The following ZCWPW2 variants were observed in gnomAD, a reference collection of about 807,000 sequenced individuals.
ZCWPW2 encodes zinc finger CW-type and PWWP domain containing 2, also known as zinc finger CW-type PWWP domain protein 2.
A neutral mutation model predicts 46.6 loss-of-function variants in ZCWPW2; 45 were observed. The ratio of observed to expected loss-of-function variants is 0.96; its 90% CI spans 0.76 to 1.24. The LOEUF (loss-of-function observed/expected upper bound fraction) is 1.24. ZCWPW2 is among the 50% of genes most tolerant of loss of function. The pLI is 0.00. For synonymous variants in ZCWPW2, 152 were observed against 137.1 expected (o/e 1.11, Z -0.76); for missense variants, 429 against 403.9 (o/e 1.06, Z -0.53).
chr3:28,471,174 G>T (rs1345257567), intron 4 of ZCWPW2, among the ~76,000 whole-genome samples: 1 of 152,090 alleles, frequency 6.6e-6, no homozygotes, highest in African/African-American at 2.4e-5. Context: ...TCTATGAAAC[G>T]TTTAAAGAAT....
At chr3:28,396,720 T>C (rs1341138778) in intron 2 of ZCWPW2, among the ~76,000 whole-genome samples, 2 of 152,250 alleles carry the variant, frequency 1.3e-5, no homozygotes, top group South Asian at 2.1e-4. Flanking sequence ...ATGACAACTT[T>C]GGAAGAACAA....
intron 1 of ZCWPW2, among the ~76,000 whole-genome samples, chr3:28,380,264 A>G (rs969163786): frequency 1.3e-4 from 20 of 152,102 alleles, no homozygotes; most frequent in East Asian, 9.7e-4. Flanking sequence ...GATTACAGGC[A>G]TGAGCCACCA....
At chr3:28,521,573 A>C (rs1417012298) in intron 9 of ZCWPW2, among the ~76,000 whole-genome samples, 2 of 152,204 alleles carry the variant, frequency 1.3e-5, no homozygotes, top group Admixed American at 1.3e-4. Flanking sequence ...TTTTCACTGG[A>C]ATAAGTTTTA....
chr3:28,512,031 CCT>C (rs1219944116), intron 6 of ZCWPW2, among the ~76,000 whole-genome samples: 2 of 151,992 alleles, frequency 1.3e-5, no homozygotes, highest in Non-Finnish European at 2.9e-5. Flanking sequence ...CATATGGCTA[CCT>C]TCTTGAATTT....
At chr3:28,350,207 A>G (rs1342618600) in intron 1 of ZCWPW2, among the ~76,000 whole-genome samples, 1 of 152,218 alleles carries the variant, frequency 6.6e-6, no homozygotes, top group Non-Finnish European at 1.5e-5. Context: ...TGTTTTTACA[A>G]GTAGAGTTTT....
intron 1 of ZCWPW2, among the ~76,000 whole-genome samples, chr3:28,386,623 G>A (rs371249292): frequency 2.6e-5 from 4 of 151,994 alleles, no homozygotes; most frequent in African/African-American, 9.7e-5. Context: ...AAACAATTTT[G>A]ATGGTCAAAT....
At chr3:28,384,218 T>C (rs562762819) in intron 1 of ZCWPW2, among the ~76,000 whole-genome samples, 2 of 152,340 alleles carry the variant, frequency 1.3e-5, no homozygotes, top group Admixed American at 1.3e-4. Context: ...GCTTTCATCT[T>C]TCTCTACCCA....
chr3:28,364,057 T>G (rs1376848876), intron 1 of ZCWPW2, among the ~76,000 whole-genome samples: 3 of 152,210 alleles, frequency 2.0e-5, no homozygotes. Context: ...TAGTCATCTG[T>G]TAAATGTAAG....
intron 4 of ZCWPW2, among the ~76,000 whole-genome samples, chr3:28,477,073 GA>G (rs1429114871): frequency 6.6e-6 from 1 of 152,106 alleles, no homozygotes; most frequent in Admixed American, 6.5e-5. Context: ...CCTATATACA[GA>G]ATAGTGTAGG....
At chr3:28,440,441 T>TTC (rs1697704978) in intron 4 of ZCWPW2, among the ~76,000 whole-genome samples, 1 of 152,146 alleles carries the variant, frequency 6.6e-6, no homozygotes, top group Admixed American at 6.5e-5. Context: ...CCACTTCCAT[T>TTC]TCTACCTCTT....
intron 6 of ZCWPW2, among the ~76,000 whole-genome samples, chr3:28,510,370 G>A (rs1021106198): frequency 2.0e-5 from 3 of 152,088 alleles, no homozygotes; most frequent in African/African-American, 4.8e-5. Flanking sequence ...GTGACAGTGC[G>A]ATAATTCCAA....
At chr3:28,412,947 G>C in intron 2 of ZCWPW2, 109 bp from the exon 3 acceptor site, 5 of 765,584 alleles carry the variant, frequency 6.5e-6, no homozygotes, top group Non-Finnish European at 1.0e-5. Flanking sequence ...TAGAGAGGGG[G>C]TGGGCATAGA....
At chr3:28,402,834 G>T (rs1251982669) in intron 2 of ZCWPW2, among the ~76,000 whole-genome samples, 1 of 152,140 alleles carries the variant, frequency 6.6e-6, no homozygotes, top group Non-Finnish European at 1.5e-5. Context: ...AGAAGCATTT[G>T]ACAAAATCCA....
chr3:28,369,124 G>C (rs972807358), intron 1 of ZCWPW2, among the ~76,000 whole-genome samples: 1 of 152,090 alleles, frequency 6.6e-6, no homozygotes, highest in African/African-American at 2.4e-5. Context: ...TTAGCTCGGA[G>C]TAGTTTGATC....
intron 4 of ZCWPW2, among the ~76,000 whole-genome samples, chr3:28,454,775 G>C (rs1260782207): frequency 6.6e-6 from 1 of 152,140 alleles, no homozygotes; most frequent in African/African-American, 2.4e-5. Flanking sequence ...TAAGGATAAT[G>C]GCCTCTGGCT....
intron 4 of ZCWPW2, chr3:28,478,302 G>T: frequency 3.1e-6 from 1 of 321,960 alleles, no homozygotes; most frequent in South Asian, 2.4e-5. Flanking sequence ...GGAGTGCAGT[G>T]GCACAATCTC....
intron 1 of ZCWPW2, among the ~76,000 whole-genome samples, chr3:28,370,802 G>A (rs753838742): frequency 2.6e-5 from 4 of 151,906 alleles, no homozygotes; most frequent in South Asian, 2.1e-4. Flanking sequence ...GTGTAATCTC[G>A]GCTCAACGCA....
At chr3:28,434,375 G>T (rs1294726101) in intron 3 of ZCWPW2, among the ~76,000 whole-genome samples, 1 of 152,050 alleles carries the variant, frequency 6.6e-6, no homozygotes, top group Non-Finnish European at 1.5e-5. Flanking sequence ...AAAAAAAGTA[G>T]AATAGAATGG....
rs144241288 is a variant in ZCWPW2 at position 28,373,739 on chromosome 3, T to A, written c.-133-16759T>A. Among the ~76,000 whole-genome samples, 387 of 152,228 alleles carry A rather than the reference T, an allele frequency of 2.5e-3. 1 individual carries two copies. The highest frequency in any genetic ancestry group is 8.4e-3 in the African/African-American group (351 of 41,558). On this transcript the variant is annotated intron_variant, in intron 1 of 9. Transcript: ENST00000383768. Reference sequence around the variant, plus strand: ...GATCCACCCTTTCACCCTCCCAAAGTGTTGGGATTACAGGTGTGACCCACC... The same window carrying A: ...GATCCACCCTTTCACCCTCCCAAAGAGTTGGGATTACAGGTGTGACCCACC...
Sources: allele counts gnomAD v4.1 joint callset (sites outside exome capture counted in the v4.1 genomes callset), GRCh38; gene constraint gnomAD v4.1.1; transcripts MANE v1.5; gene names NCBI Gene and HGNC (gene_info 2026-07-23, HGNC 2026-07-21).